ZMYND12: variants seen among roughly 807,000 people sequenced by gnomAD.
The protein encoded by ZMYND12 is zinc finger MYND domain-containing protein 12.
A neutral mutation model predicts 41.7 loss-of-function variants in ZMYND12; 32 were observed. That is an observed-to-expected ratio of 0.77 (90% CI 0.58 to 1.03). ZMYND12 has a LOEUF of 1.03. Among genes scored for constraint, ZMYND12 ranks in the 50% least tolerant of loss-of-function variants. The pLI is 0.00. For synonymous variants in ZMYND12, 148 were observed against 164.8 expected (o/e 0.90, Z 0.78); for missense variants, 424 against 438.5 (o/e 0.97, Z 0.30).
intron 6 of ZMYND12, 68 bp downstream of exon 6, chr1:42,435,206 A>G: frequency 8.1e-7 from 1 of 1,231,892 alleles, no homozygotes; most frequent in Non-Finnish European, 1.2e-6. Context: ...TTTCCCTCTT[A>G]GGGACAAGGT....
chr1:42,431,568 G>T (rs997977857), intron 7 of ZMYND12, among the ~76,000 whole-genome samples: 1 of 152,300 alleles, frequency 6.6e-6, no homozygotes, highest in Admixed American at 6.5e-5. Flanking sequence ...TCAAGTGAAG[G>T]CCTGAAGGAA....
chr1:42,431,579 G>A (rs550278757), intron 7 of ZMYND12, among the ~76,000 whole-genome samples: 1 of 152,218 alleles, frequency 6.6e-6, no homozygotes, highest in Non-Finnish European at 1.5e-5. Context: ...CCTGAAGGAA[G>A]TGAGGTGCCA....
intron 3 of ZMYND12, among the ~76,000 whole-genome samples, chr1:42,444,350 A>G (rs1388895072): frequency 2.6e-5 from 4 of 152,236 alleles, no homozygotes; most frequent in Non-Finnish European, 4.4e-5. Flanking sequence ...AAATCACTCC[A>G]GTCTGAAGTA....
intron 1 of ZMYND12, among the ~76,000 whole-genome samples, chr1:42,450,293 A>G (rs1643069829): frequency 6.6e-6 from 1 of 152,180 alleles, no homozygotes. Flanking sequence ...ACACATTCAC[A>G]TTCTGAAGTC....
intron 5 of ZMYND12, 168 bp from the exon 6 acceptor site, chr1:42,435,553 C>G (rs562402372): frequency 1.1e-5 from 6 of 558,444 alleles, no homozygotes; most frequent in Middle Eastern, 4.6e-4. Context: ...CAGGCCTGGC[C>G]AAGGTAAGTG....
At position 42,430,531 on chromosome 1, in the gene ZMYND12, C is replaced by CA. The variant is rs1642836458; in HGVS notation, c.*204dup. On this transcript the variant is annotated 3_prime_UTR_variant, in exon 8 of 8. Transcript: ENST00000372565. ...TCAAGTACAAAGGTCATGACAAACA[C>CA]AGTTTTTAGTGATTTCTATGCCTAA... The CA allele has an allele frequency of 9.1e-6, 5 of 551,394 alleles. No individual in the cohort carries two copies. The highest frequency in any genetic ancestry group is 1.5e-5 in the Non-Finnish European group (5 of 323,166). 34.2% of individuals were successfully genotyped at this position (551,394 alleles called of 1,614,324 possible). A position where few individuals can be genotyped will look rare whatever the true frequency, so the allele number is the denominator to read the frequency against.
At chr1:42,431,096 G>A (rs1251662152) in intron 7 of ZMYND12, among the ~76,000 whole-genome samples, 1 of 152,204 alleles carries the variant, frequency 6.6e-6, no homozygotes, top group Non-Finnish European at 1.5e-5. Flanking sequence ...TACAAACTAA[G>A]TATACCTTCT....
At chr1:42,437,514 T>TC (rs1642920680) in intron 4 of ZMYND12, among the ~76,000 whole-genome samples, 1 of 126,006 alleles carries the variant, frequency 7.9e-6, no homozygotes, top group Non-Finnish European at 1.7e-5. Flanking sequence ...GAGCTTGTGC[T>TC]AATTTTTTTT....
In ZMYND12 at chr1:42,433,271, C is replaced by T; in HGVS notation, c.847G>A (p.Glu283Lys). The T allele has an allele frequency of 6.2e-7, 1 of 1,608,854 alleles. No homozygotes were observed. Among genetic ancestry groups the T allele is most frequent in the Non-Finnish European group, 8.5e-7 (1 of 1,178,576 alleles). Residue 283 changes from glutamate (E) to lysine (K), a missense_variant, in exon 7 of 8, where the codon GAA becomes AAA. Coordinates refer to ENST00000372565, the MANE Select transcript of ZMYND12 (RefSeq NM_032257.5). ...ATTGAAGTCAGGATGCGAATGGCTT[C>T]TGCTTCTTGGGCTTCATCTGCATTG... ...DTGLDEAQEA[E>K]AIRILTSILN...
chr1:42,448,089 C>T (rs16829540), intron 3 of ZMYND12, among the ~76,000 whole-genome samples: 21,012 of 152,042 alleles, frequency 0.14, 1,575 homozygotes, highest in East Asian at 0.18. Flanking sequence ...ATAGGGTAGA[C>T]AAATCTGGTC....
At chr1:42,436,643 C>A (rs1642911568) in intron 4 of ZMYND12, 100 bp from the exon 5 acceptor site, 4 of 1,395,876 alleles carry the variant, frequency 2.9e-6, no homozygotes, top group Non-Finnish European at 3.8e-6. Flanking sequence ...ACTGTTACAA[C>A]ATTCCAATTT....
intron 7 of ZMYND12, 35 bp downstream of exon 7, chr1:42,433,108 C>G: frequency 6.2e-7 from 1 of 1,602,036 alleles, no homozygotes; most frequent in Non-Finnish European, 8.5e-7. Flanking sequence ...TTTCTACCTT[C>G]ATTTTAGACG....
chr1:42,449,409 T>G (rs1458874232), intron 2 of ZMYND12, among the ~76,000 whole-genome samples: 1 of 152,200 alleles, frequency 6.6e-6, no homozygotes, highest in Non-Finnish European at 1.5e-5. Flanking sequence ...ATGACTATAA[T>G]TGGAGCTAGG....
chr1:42,432,599 C>T (rs1642865035), intron 7 of ZMYND12, among the ~76,000 whole-genome samples: 1 of 151,994 alleles, frequency 6.6e-6, no homozygotes. Flanking sequence ...GTCTGTAAGA[C>T]ATTGGGCAAA....
intron 3 of ZMYND12, among the ~76,000 whole-genome samples, chr1:42,445,507 C>A (rs1416872010): frequency 6.6e-6 from 1 of 150,846 alleles, no homozygotes; most frequent in African/African-American, 2.4e-5. Flanking sequence ...GCAGTAGTAA[C>A]CCTTGAGCTG....
At chr1:42,441,045 A>T (rs1041182072) in intron 3 of ZMYND12, among the ~76,000 whole-genome samples, 1 of 152,206 alleles carries the variant, frequency 6.6e-6, no homozygotes, top group Non-Finnish European at 1.5e-5. Flanking sequence ...TGCATATTTA[A>T]TACCCTTTCT....
rs775828300 is a variant in ZMYND12, at chr1:42,430,712, C to G, written c.*24G>C. The G allele has an allele frequency of 6.2e-7, 1 of 1,612,084 alleles. No individual in the cohort carries two copies. The highest frequency in any genetic ancestry group is 2.2e-5 in the East Asian group (1 of 44,848). On this transcript the variant is annotated 3_prime_UTR_variant, in exon 8 of 8. Transcript: ENST00000372565. ...GATCTTCAGTAGCCCCTGGAATAAC[C>G]CTTGATGCAGAGCTCATGGGTCACT...
intron 7 of ZMYND12, among the ~76,000 whole-genome samples, chr1:42,432,683 T>G (rs1269167495): frequency 6.6e-6 from 1 of 152,216 alleles, no homozygotes; most frequent in Non-Finnish European, 1.5e-5. Context: ...TCATTAATGT[T>G]GGTGTAAGCA....
chr1:42,432,850 TCATC>T, intron 7 of ZMYND12: 1 of 311,874 alleles, frequency 3.2e-6, no homozygotes, highest in Non-Finnish European at 5.8e-6. Flanking sequence ...AGCGGCTACT[TCATC>T]CATCCAAGGC....
Sources: allele counts gnomAD v4.1 joint callset (sites outside exome capture counted in the v4.1 genomes callset), GRCh38; gene constraint gnomAD v4.1.1; transcripts MANE v1.5; gene names NCBI Gene and HGNC (gene_info 2026-07-23, HGNC 2026-07-21).